The following LRP1B variants were observed in gnomAD, a reference collection of about 807,000 sequenced individuals.
The protein encoded by LRP1B is LDL receptor related protein 1B.
Under a neutral mutation model 556.6 loss-of-function variants are expected in LRP1B, and 217 were observed. The ratio of observed to expected loss-of-function variants is 0.39; its 90% CI spans 0.35 to 0.44. LRP1B has a LOEUF of 0.44. Ranked by LOEUF, LRP1B falls within the 20% of genes least tolerant of loss-of-function variation. LRP1B has a pLI of 1.00. For synonymous variants in LRP1B, 2,047 were observed against 1,865.8 expected (o/e 1.10, Z -2.50); for missense variants, 5,053 against 5,620.8 (o/e 0.90, Z 3.23).
chr2:141,979,234 G>T (rs1391606555), intron 1 of LRP1B, among the ~76,000 whole-genome samples: 2 of 152,006 alleles, frequency 1.3e-5, no homozygotes, highest in African/African-American at 4.8e-5. Context: ...GTAATTATAG[G>T]ATATCACAAT....
intron 32 of LRP1B, among the ~76,000 whole-genome samples, chr2:140,812,489 TAA>T (rs1690963249): frequency 6.6e-6 from 1 of 151,982 alleles, no homozygotes; most frequent in Admixed American, 6.6e-5. Context: ...TCAAAGATGA[TAA>T]AAATATTTTT....
intron 3 of LRP1B, among the ~76,000 whole-genome samples, chr2:141,428,047 A>G (rs10206919): frequency 0.46 from 69,747 of 152,006 alleles, 16,164 homozygotes; most frequent in East Asian, 0.6. Context: ...GTTATCCCTT[A>G]AATAACATTA....
At chr2:141,712,644 C>T (rs569620183) in intron 2 of LRP1B, among the ~76,000 whole-genome samples, 2 of 151,946 alleles carry the variant, frequency 1.3e-5, no homozygotes, top group South Asian at 4.1e-4. Context: ...GCTCAGTAAA[C>T]ATTAACTATT....
chr2:141,956,152 T>C (rs1279091696), intron 1 of LRP1B, among the ~76,000 whole-genome samples: 1 of 152,138 alleles, frequency 6.6e-6, no homozygotes, highest in Non-Finnish European at 1.5e-5. Context: ...TGAGTATGCA[T>C]GCCTTCAGCT....
intron 2 of LRP1B, among the ~76,000 whole-genome samples, chr2:141,517,666 A>C (rs1281196052): frequency 6.6e-6 from 1 of 152,202 alleles, no homozygotes; most frequent in Admixed American, 6.5e-5. Context: ...TGTTTAAAAG[A>C]AAAGTCCAGA....
intron 3 of LRP1B, among the ~76,000 whole-genome samples, chr2:141,340,054 T>A (rs1321259503): frequency 6.6e-6 from 1 of 152,148 alleles, no homozygotes; most frequent in African/African-American, 2.4e-5. Flanking sequence ...AAGAAATAAC[T>A]CCAATATAAA....
At chr2:140,500,299 C>A (rs1166739498) in intron 55 of LRP1B, among the ~76,000 whole-genome samples, 1 of 151,874 alleles carries the variant, frequency 6.6e-6, no homozygotes, top group African/African-American at 2.4e-5. Context: ...AAAATCCTAA[C>A]CAACCTAACC....
At position 141,524,427 on chromosome 2, in the gene LRP1B, G is replaced by A. The variant is rs534640045; in HGVS notation, c.206-43894C>T. Among the ~76,000 whole-genome samples the A allele has an allele frequency of 1.1e-4, 16 of 152,132 alleles. No homozygotes were observed. In the South Asian group the frequency reaches 3.3e-3, roughly 32 times the overall value. On this transcript the variant is annotated intron_variant, in intron 2 of 90. Coordinates refer to ENST00000389484, the MANE Select transcript of LRP1B (RefSeq NM_018557.3). The stretch of plus-strand genomic sequence containing the variant: ...AATGATCTAGAGTTCACTAAGACTC[G>A]GTTTAATTGTTGGGTCTATCTAGGT...
chr2:140,672,404 A>G (rs528176011), intron 41 of LRP1B, among the ~76,000 whole-genome samples: 9 of 150,862 alleles, frequency 6.0e-5, no homozygotes, highest in Admixed American at 1.3e-4. Flanking sequence ...GAATCGCTTG[A>G]ACCCAGGAAG....
chr2:140,967,204 C>A (rs1390981522), intron 18 of LRP1B, among the ~76,000 whole-genome samples: 1 of 152,040 alleles, frequency 6.6e-6, no homozygotes, highest in Admixed American at 6.6e-5. Context: ...TTGTTTGTAT[C>A]CTCTTTTATT....
intron 2 of LRP1B, among the ~76,000 whole-genome samples, chr2:141,678,845 CT>C (rs1690992499): frequency 6.6e-6 from 1 of 152,120 alleles, no homozygotes; most frequent in South Asian, 2.1e-4. Context: ...TCTAAGATGG[CT>C]TTAGATGATA....
chr2:141,190,037 G>T (rs1011037467), intron 6 of LRP1B, among the ~76,000 whole-genome samples: 3 of 151,940 alleles, frequency 2.0e-5, no homozygotes, highest in Non-Finnish European at 4.4e-5. Context: ...CAGAAGAAAA[G>T]AGGCTGAAGG....
rs768559298 is a variant in LRP1B at position 140,700,278 on chromosome 2, G to C, written c.6771C>G (p.Asn2257Lys). The C allele has an allele frequency of 6.2e-7, 1 of 1,611,518 alleles. No individual in the cohort carries two copies. The highest frequency in any genetic ancestry group is 8.5e-7 in the Non-Finnish European group (1 of 1,178,542). The change falls in exon 41 of 91, where the codon AAC (asparagine) becomes AAG (lysine). Residue 2257 changes from asparagine to lysine, a missense_variant. By Grantham distance (94) the Asn-to-Lys change is moderately conservative. Coordinates refer to ENST00000389484, the MANE Select transcript of LRP1B (RefSeq NM_018557.3). ...HFGNIQLIKD[N>K]WEDRQVIVEN... ...CAACAATTACTTGTCTGTCTTCCCAGTTGTCTTTAATAAGCTGTATATTTC... is the reference window on the plus strand; with the variant it reads ...CAACAATTACTTGTCTGTCTTCCCACTTGTCTTTAATAAGCTGTATATTTC...
chr2:141,951,117 T>C (rs1200677457), intron 1 of LRP1B, among the ~76,000 whole-genome samples: 3 of 152,174 alleles, frequency 2.0e-5, no homozygotes, highest in Non-Finnish European at 4.4e-5. Flanking sequence ...AATAAGAGTA[T>C]GTTCATATTT....
chr2:140,291,623 G>C (rs921960020), intron 84 of LRP1B, among the ~76,000 whole-genome samples: 4 of 151,640 alleles, frequency 2.6e-5, no homozygotes, highest in Admixed American at 6.6e-5. Flanking sequence ...TTCCATGTCC[G>C]TACAAAGGAC....
chr2:141,649,775 C>A (rs914520912), intron 2 of LRP1B, among the ~76,000 whole-genome samples: 2 of 152,158 alleles, frequency 1.3e-5, no homozygotes, highest in African/African-American at 4.8e-5. Flanking sequence ...CTGACAAACT[C>A]TTTGCCAGAA....
intron 20 of LRP1B, among the ~76,000 whole-genome samples, chr2:140,937,653 C>G (rs1458636959): frequency 6.6e-6 from 1 of 151,902 alleles, no homozygotes; most frequent in African/African-American, 2.4e-5. Context: ...ATGAAAGAAA[C>G]AGAAGAGGTG....
rs192321836 is a variant in LRP1B, at chr2:141,062,323, C to T, written c.1014-50G>A. On this transcript the variant is annotated intron_variant, in intron 7 of 90. Transcript: ENST00000389484. ...AAGTGGAGGGTGGGGGAGGGAAGCA[C>T]GTTTGATGGAGCCATCTGTAAAAAA... is the stretch of plus-strand genomic sequence containing the variant. 1,383 of 1,243,896 alleles carry T rather than the reference C, an allele frequency of 1.1e-3. 1 individual carries two copies. Among genetic ancestry groups the T allele is most frequent in the Non-Finnish European group, 1.5e-3 (1,295 of 877,082 alleles). The allele number at this position is 1,243,896 out of a possible 1,614,324, so 77.1% of individuals were successfully genotyped here. A position where few individuals can be genotyped will look rare whatever the true frequency, so the allele number is the denominator to read the frequency against.
chr2:141,886,019 GAA>G (rs1699099908), intron 1 of LRP1B, among the ~76,000 whole-genome samples: 1 of 152,148 alleles, frequency 6.6e-6, no homozygotes, highest in Non-Finnish European at 1.5e-5. Context: ...CAGGAGAAGA[GAA>G]AGAGACTGAA....
Sources: allele counts gnomAD v4.1 joint callset (sites outside exome capture counted in the v4.1 genomes callset), GRCh38; gene constraint gnomAD v4.1.1; transcripts MANE v1.5; gene names NCBI Gene and HGNC (gene_info 2026-07-23, HGNC 2026-07-21).